The following ZBTB26 variants were observed in gnomAD, a reference collection of about 807,000 sequenced individuals.
The protein encoded by ZBTB26 is zinc finger and BTB domain-containing protein 26.
In ZBTB26, 12 loss-of-function variants were observed where a neutral mutation model predicts 31.6. The observed-to-expected ratio is 0.38, with a 90% CI of 0.24 to 0.61. ZBTB26 has a LOEUF of 0.61. ZBTB26 is among the 20% of genes least tolerant of loss of function. ZBTB26 has a pLI of 0.60. For missense variants in ZBTB26, 311 were observed against 521.9 expected, an observed-to-expected ratio of 0.60 and a Z score of 3.94; for synonymous variants, 155 against 182.9, an observed-to-expected ratio of 0.85 and a Z score of 1.23.
intron 1 of ZBTB26, among the ~76,000 whole-genome samples, chr9:122,927,108 C>T (rs150466876): frequency 1.3e-5 from 2 of 152,270 alleles, no homozygotes; most frequent in African/African-American, 2.4e-5. Flanking sequence ...TACATCATTG[C>T]CATAGTTCAG....
At chr9:122,923,190 A>AG (rs386416162) in intron 1 of ZBTB26, among the ~76,000 whole-genome samples, 14 of 151,316 alleles carry the variant, frequency 9.3e-5, no homozygotes, top group Admixed American at 3.3e-4. Flanking sequence ...TCTCAAAAAA[A>AG]AAAAAGAAAA....
intron 1 of ZBTB26, among the ~76,000 whole-genome samples, chr9:122,923,077 G>T (rs1000375108): frequency 2.4e-4 from 37 of 151,792 alleles, no homozygotes; most frequent in African/African-American, 8.9e-4. Context: ...TCAGCTACTC[G>T]GGAGGCTGAG....
Position 122,918,889 on chromosome 9 carries a change from C to G in ZBTB26, c.1046G>C (p.Ser349Thr). Residue 349 changes from serine (S) to threonine (T), a missense_variant, in exon 2 of 2, where the codon AGT becomes ACT. Physicochemically the swap from Ser to Thr is moderately conservative, Grantham distance 58. This residue lies in a region of ZBTB26 where 25 missense variants were observed against 93.0 expected (regional missense o/e 0.27). Coordinates refer to ENST00000373656, the MANE Select transcript of ZBTB26 (RefSeq NM_020924.4). ...GTTACATTTATGGGGCTTATCTCCA[C>G]TGTGAAGGTTAAGATGATCCTGTAA... Reference protein sequence around the residue: ...CSLQDHLNLHSGDKPHKCNYC... With the variant: ...CSLQDHLNLHTGDKPHKCNYC... 1.2e-6 allele frequency: 2 copies of G among 1,614,198 alleles called. No individual in the cohort carries two copies. Among genetic ancestry groups the G allele is most frequent in the Non-Finnish European group, 8.5e-7 (1 of 1,180,038 alleles).
rs1328977895 is a variant in ZBTB26 at position 122,917,187 on chromosome 9, T to C, written c.*1422A>G. 6.6e-6 allele frequency: 1 copy of C among 152,246 alleles called. No individual in the cohort carries two copies. The highest frequency in any genetic ancestry group is 1.5e-5 in the Non-Finnish European group (1 of 68,030). The allele number at this position is 152,246 out of a possible 1,614,324, so 9.4% of individuals were successfully genotyped here. The stretch of plus-strand genomic sequence containing the variant: ...AGGGGAAACACAAACTAGGAGCTTT[T>C]TGCTAATGCATTATTCTTCATGTAC... On this transcript the variant is annotated 3_prime_UTR_variant, in exon 2 of 2. Transcript: ENST00000373656.
intron 1 of ZBTB26, among the ~76,000 whole-genome samples, chr9:122,922,128 C>T (rs1360190717): frequency 6.6e-6 from 1 of 151,890 alleles, no homozygotes. Context: ...GTCCCAGCTA[C>T]TCAGGAGGCC....
intron 1 of ZBTB26, among the ~76,000 whole-genome samples, chr9:122,922,877 T>C (rs568442444): frequency 6.6e-6 from 1 of 152,238 alleles, no homozygotes; most frequent in East Asian, 1.9e-4. Flanking sequence ...AGGAGTTCAT[T>C]TGAATGAGAA....
rs770364488 is a variant in ZBTB26, at chr9:122,916,285, C to A, written c.*2324G>T. 1.3e-5 allele frequency: 2 copies of A among 152,216 alleles called. No individual in the cohort carries two copies. The highest frequency in any genetic ancestry group is 2.9e-5 in the Non-Finnish European group (2 of 68,032). The allele number at this position is 152,216 out of a possible 1,614,324, so 9.4% of individuals were successfully genotyped here. On this transcript the variant is annotated 3_prime_UTR_variant, in exon 2 of 2. Coordinates refer to ENST00000373656, the MANE Select transcript of ZBTB26 (RefSeq NM_020924.4). Reference sequence around the variant, plus strand: ...TTTCTAGTATAAAAGCAAATTGAGACTTTGTTTCACTAAGACCACATGAGA... The same window carrying A: ...TTTCTAGTATAAAAGCAAATTGAGAATTTGTTTCACTAAGACCACATGAGA...
chr9:122,925,373 A>C (rs903150130), intron 1 of ZBTB26, among the ~76,000 whole-genome samples: 51 of 152,148 alleles, frequency 3.4e-4, no homozygotes, highest in African/African-American at 1.1e-3. Context: ...CTATCACAAT[A>C]AATAAATAAA....
In ZBTB26 at chr9:122,918,780, G is replaced by A; in HGVS notation, c.1155C>T (p.Ala385=). 1.2e-6 allele frequency: 2 copies of A among 1,614,078 alleles called. No individual in the cohort carries two copies. The highest frequency in any genetic ancestry group is 1.7e-6 in the Non-Finnish European group (2 of 1,180,016). Residue 385 remains alanine, a synonymous_variant, in exon 2 of 2, where the codon GCC becomes GCT. Coordinates refer to ENST00000373656, the MANE Select transcript of ZBTB26 (RefSeq NM_020924.4). ...TGAGGTCTTGTACATTTCTCTCATTGGCATTATCAAAGCTGTTTTTGCCAT... is the reference window on the plus strand; with the variant it reads ...TGAGGTCTTGTACATTTCTCTCATTAGCATTATCAAAGCTGTTTTTGCCAT... The part of the protein sequence containing the change: ...QLHGKNSFDN[A]NERNVQDLTV...
rs769767347 is a variant in ZBTB26, at chr9:122,919,745, G to A, written c.190C>T (p.Leu64=). The stretch of plus-strand genomic sequence containing the variant: ...ATTTTCACCTCTCTGGAATCATTCA[G>A]TAAAAATTGGTCTCTTAAGAAGGGG... The part of the protein sequence containing the change: ...GSPFLRDQFL[L]NDSREVKISI... The change falls in exon 2 of 2, where the codon CTG becomes TTG. Residue 64 remains leucine (L), a synonymous_variant. Transcript: ENST00000373656. The surrounding 1 kb of genome is among the most constrained non-coding windows in gnomAD (Gnocchi z 6.1). 3 of 1,614,132 alleles carry A rather than the reference G, an allele frequency of 1.9e-6. No individual in the cohort carries two copies. The highest frequency in any genetic ancestry group is 2.5e-6 in the Non-Finnish European group (3 of 1,180,022).
At position 122,919,245 on chromosome 9, in the gene ZBTB26, A is replaced by G. The variant is rs1282367785; in HGVS notation, c.690T>C (p.Ser230=). The G allele has an allele frequency of 6.2e-7, 1 of 1,614,226 alleles. No homozygotes were observed. Among genetic ancestry groups the G allele is most frequent in the Non-Finnish European group, 8.5e-7 (1 of 1,180,040 alleles). Residue 230 remains serine, a synonymous_variant, in exon 2 of 2, where the codon AGT becomes AGC. Coordinates refer to ENST00000373656, the MANE Select transcript of ZBTB26 (RefSeq NM_020924.4). This position sits in a 1 kb window ranked among gnomAD's most constrained non-coding sequence, Gnocchi z 6.1. ...LINSTVENRV[S]EIEQNHLHNY... The stretch of plus-strand genomic sequence containing the variant: ...TGTGGAGATGGTTTTGTTCTATTTC[A>G]CTTACTCTGTTTTCCACAGTTGAAT...
At chr9:122,925,765 ATTTTTTTTTT>A (rs59850053) in intron 1 of ZBTB26, among the ~76,000 whole-genome samples, 2 of 103,946 alleles carry the variant, frequency 1.9e-5, no homozygotes, top group East Asian at 2.7e-4. Context: ...TGCCCAGCTA[ATTTTTTTTTT>A]TTTTTTTTTT....
At chr9:122,929,155 A>C (rs1024591497) in intron 1 of ZBTB26, among the ~76,000 whole-genome samples, 1 of 152,252 alleles carries the variant, frequency 6.6e-6, no homozygotes, top group Non-Finnish European at 1.5e-5. Flanking sequence ...CCTGCATGAC[A>C]TCAAGGTGAG....
chr9:122,925,990 C>T (rs1003715678), intron 1 of ZBTB26, among the ~76,000 whole-genome samples: 1 of 151,988 alleles, frequency 6.6e-6, no homozygotes. Context: ...GAACTCCCGA[C>T]CCGGGTGATT....
chr9:122,920,637 T>C (rs892359145), intron 1 of ZBTB26, among the ~76,000 whole-genome samples: 2 of 152,234 alleles, frequency 1.3e-5, no homozygotes, highest in Non-Finnish European at 2.9e-5. Flanking sequence ...AACGGGACAA[T>C]GTTTAGGCAA....
intron 1 of ZBTB26, among the ~76,000 whole-genome samples, chr9:122,927,449 T>C (rs1833199960): frequency 6.6e-6 from 1 of 152,204 alleles, no homozygotes; most frequent in Non-Finnish European, 1.5e-5. Flanking sequence ...GTATAATAAA[T>C]TCTTAAGCTA....
At position 122,917,253 on chromosome 9, in the gene ZBTB26, A is replaced by G. The variant is rs1833027143; in HGVS notation, c.*1356T>C. The G allele has an allele frequency of 6.6e-6, 1 of 152,352 alleles. No individual in the cohort carries two copies. Among genetic ancestry groups the G allele is most frequent in the Non-Finnish European group, 1.5e-5 (1 of 68,024 alleles). 9.4% of individuals were successfully genotyped at this position (152,352 alleles called of 1,614,324 possible). A position where few individuals can be genotyped will look rare whatever the true frequency, so the allele number is the denominator to read the frequency against. On this transcript the variant is annotated 3_prime_UTR_variant, in exon 2 of 2. Transcript: ENST00000373656. ...CAAGGGATAGCGAGAAGAAGGAAGA[A>G]GATGCTAGCTCATATTTAGTTATAC...
In ZBTB26 at chr9:122,919,898, C is replaced by CA; in HGVS notation, c.36dup (p.Glu13Ter). 6.2e-7 allele frequency: 1 copy of CA among 1,605,450 alleles called. No homozygotes were observed. The highest frequency in any genetic ancestry group is 2.2e-5 in the East Asian group (1 of 44,796). On this transcript the variant is annotated frameshift_variant, in exon 2 of 2. Coordinates refer to ENST00000373656, the MANE Select transcript of ZBTB26 (RefSeq NM_020924.4). LOFTEE classifies it high-confidence loss of function. The surrounding 1 kb of genome is among the most constrained non-coding windows in gnomAD (Gnocchi z 6.1). Reference sequence around the variant, plus strand: ...TGTAACATTGAATCTCCATAATTTTCAAACTTGAAGTGAAGGAGATCTGAT... The same window carrying CA: ...TGTAACATTGAATCTCCATAATTTTCAAAACTTGAAGTGAAGGAGATCTGAT...
Position 122,918,664 on chromosome 9 carries a change from C to T in ZBTB26, c.1271G>A (p.Gly424Asp). The change falls in exon 2 of 2, where the codon GGT becomes GAT. Residue 424 changes from glycine (G) to aspartate (D), a missense_variant. Gly to Asp is a moderately conservative substitution (Grantham distance 94). Transcript: ENST00000373656. ...QPDATQVLDA[G>D]KLAQAVLNLR... ...GTTCAGGACAGCTTGGGCCAGTTTA[C>T]CTGCATCCAGGACCTGTGTTGCATC... 5 of 1,614,216 alleles carry T rather than the reference C, an allele frequency of 3.1e-6. No homozygotes were observed. The highest frequency in any genetic ancestry group is 1.3e-5 in the African/African-American group (1 of 75,064).
Sources: allele counts gnomAD v4.1 joint callset (sites outside exome capture counted in the v4.1 genomes callset), GRCh38; gene constraint gnomAD v4.1.1; regional missense constraint gnomAD v4.1.1; non-coding constraint Gnocchi (gnomAD v3.1); transcripts MANE v1.5; gene names NCBI Gene and HGNC (gene_info 2026-07-23, HGNC 2026-07-21).